Variants in SZT2 observed in about 807,000 individuals in gnomAD.
The protein encoded by SZT2 is KICSTOR complex protein SZT2.
SZT2 carries 216 observed loss-of-function variants against 404.2 expected under a neutral mutation model. That is an observed-to-expected ratio of 0.53 (90% CI 0.48 to 0.60). The LOEUF is 0.60. Ranked by LOEUF, SZT2 falls within the 20% of genes least tolerant of loss-of-function variation. The probability of loss-of-function intolerance (pLI) is 0.00; values close to 1 mark genes in which losing one functional copy is unlikely to be tolerated. For missense variants in SZT2, 3,857 were observed against 4,459.2 expected, an observed-to-expected ratio of 0.86 and a Z score of 3.85; for synonymous variants, 1,693 against 1,749.9, an observed-to-expected ratio of 0.97 and a Z score of 0.81.
rs769971302 is a variant in SZT2 at position 43,415,143 on chromosome 1, A to T, written c.560A>T (p.Tyr187Phe). 2 of 1,598,116 alleles carry T rather than the reference A, an allele frequency of 1.3e-6. No homozygotes were observed. The highest frequency in any genetic ancestry group is 2.2e-5 in the East Asian group (1 of 44,872). The change falls in exon 5 of 72, where the codon TAT (tyrosine) becomes TTT (phenylalanine). Residue 187 changes from tyrosine (Y) to phenylalanine (F), a missense_variant. By Grantham distance (22) the Tyr-to-Phe change is conservative. Around this residue, in one of 7 missense-constraint regions of SZT2, gnomAD observed 536 missense variants for 637.4 expected, o/e 0.84. Transcript: ENST00000634258. ...CGGGAGGTGTTCCTGCAGCAGATAT[A>T]TGAGCAGCTCTGCCTCTTTGAGGAT... is the stretch of plus-strand genomic sequence containing the variant. ...SQREVFLQQI[Y>F]EQLCLFEDKV...
rs781255087 is a variant in SZT2 at position 43,403,711 on chromosome 1, C to T, written c.264C>T (p.Thr88=). ...PFLLVPSTRV[T]FLAWQYRFVI... is the part of the protein sequence containing the mutation. ...TCCTGGTACCTTCCACCCGGGTCACCTTCCTGGCTTGGCAGTATCGGTTTG... is the reference window on the plus strand; with the variant it reads ...TCCTGGTACCTTCCACCCGGGTCACTTTCCTGGCTTGGCAGTATCGGTTTG... The change falls in exon 3 of 72, where the codon ACC becomes ACT. Residue 88 remains threonine, a synonymous_variant. Coordinates refer to ENST00000634258, the MANE Select transcript of SZT2 (RefSeq NM_001365999.1). 1.5e-5 allele frequency: 24 copies of T among 1,614,026 alleles called. 1 individual carries two copies. The South Asian group carries it at 2.6e-4, about 18-fold the overall frequency.
In SZT2 at chr1:43,397,425, CAAA is replaced by C. The variant is rs1242693700; in HGVS notation, c.28-5741_28-5739del. Among the ~76,000 whole-genome samples the C allele has an allele frequency of 1.4e-3, 175 of 124,234 alleles. No individual in the cohort carries two copies. The East Asian group carries it at 0.027, about 19-fold the overall frequency. The allele number at this position is 124,234 out of a possible 152,430, so 81.5% of individuals were successfully genotyped here. A position where few individuals can be genotyped will look rare whatever the true frequency, so the allele number is the denominator to read the frequency against. ...TGGGTGACAGAGCGAGACTCCATTT[CAAA>C]AAAAAAAAAAGAAAAGAAACAATAT... On this transcript the variant is annotated intron_variant, in intron 1 of 71. Transcript: ENST00000634258.
Position 43,453,082 on chromosome 1 carries a change from C to A in SZT2, c.*2602C>A. 8 of 852,812 alleles carry A rather than the reference C, an allele frequency of 9.4e-6. No individual in the cohort carries two copies. The highest frequency in any genetic ancestry group is 1.4e-5 in the Non-Finnish European group (7 of 509,128). 52.8% of individuals were successfully genotyped at this position (852,812 alleles called of 1,614,324 possible). ...CAGGGTTAGGTGCCTACCCTGCTCCCACAGCTTCCTGGAATAGGCCTGTCC... is the reference window on the plus strand; with the variant it reads ...CAGGGTTAGGTGCCTACCCTGCTCCAACAGCTTCCTGGAATAGGCCTGTCC... On this transcript the variant is annotated 3_prime_UTR_variant, in exon 72 of 72. Coordinates refer to ENST00000634258, the MANE Select transcript of SZT2 (RefSeq NM_001365999.1).
Position 43,426,785 on chromosome 1 carries a change from A to T in SZT2, c.3285A>T (p.Thr1095=). ...AAGCAGTCGGCAGCACCCAGGCCAC[A>T]GGAGACTCCGCTTTTACTTCCCTGG... The part of the protein sequence containing the change: ...KEQAVGSTQA[T]GDSAFTSLSV... The change falls in exon 23 of 72, where the codon ACA becomes ACT. Residue 1095 remains threonine (T), a synonymous_variant. Coordinates refer to ENST00000634258, the MANE Select transcript of SZT2 (RefSeq NM_001365999.1). The surrounding 1 kb of genome is among the most constrained non-coding windows in gnomAD (Gnocchi z 4.9). The T allele has an allele frequency of 6.2e-7, 1 of 1,613,802 alleles. No homozygotes were observed. Among genetic ancestry groups the T allele is most frequent in the Non-Finnish European group, 8.5e-7 (1 of 1,179,872 alleles).
At position 43,390,900 on chromosome 1, in the gene SZT2, C is replaced by G. The variant is rs777977831; in HGVS notation, c.27+905C>G. Reference sequence around the variant, plus strand: ...TAGAAATAGTATTCATTACTGCATACATACTGCATGCTCAGTACCATTCTA... The same window carrying G: ...TAGAAATAGTATTCATTACTGCATAGATACTGCATGCTCAGTACCATTCTA... On this transcript the variant is annotated intron_variant, in intron 1 of 71. Coordinates refer to ENST00000634258, the MANE Select transcript of SZT2 (RefSeq NM_001365999.1). 2.8e-4 allele frequency among the ~76,000 whole-genome samples: 42 copies of G among 152,378 alleles called. 1 individual carries two copies. In the Middle Eastern group the frequency reaches 0.01, roughly 37 times the overall value.
In SZT2 at chr1:43,444,562, C is replaced by G. The variant is rs540585984; in HGVS notation, c.8825+766C>G. Among the ~76,000 whole-genome samples, 7 of 152,242 alleles carry G rather than the reference C, an allele frequency of 4.6e-5. 2 individuals carry two copies. Among genetic ancestry groups the G allele is most frequent in the African/African-American group, 1.7e-4 (7 of 41,544 alleles). On this transcript the variant is annotated intron_variant, in intron 62 of 71. Coordinates refer to ENST00000634258, the MANE Select transcript of SZT2 (RefSeq NM_001365999.1). ...GTGCTAGGCCTACTTGCATCACTGT[C>G]CTTGGCCTGTTCTTGGTCATGTTCA...
In SZT2 at chr1:43,440,548, C is replaced by T; in HGVS notation, c.7306C>T (p.Pro2436Ser). The T allele has an allele frequency of 1.2e-6, 2 of 1,607,458 alleles. No homozygotes were observed. The highest frequency in any genetic ancestry group is 2.2e-5 in the South Asian group (2 of 90,302). ...APVPGEPVTP[P>S]SKAGRRSFWD... Reference sequence around the variant, plus strand: ...TGTCCCTGGGGAGCCTGTGACTCCACCCAGCAAAGCGGGCCGGCGTAGCTT... The same window carrying T: ...TGTCCCTGGGGAGCCTGTGACTCCATCCAGCAAAGCGGGCCGGCGTAGCTT... The change falls in exon 52 of 72, where the codon CCC (proline) becomes TCC (serine). Residue 2436 changes from proline to serine, a missense_variant. By Grantham distance (74) the Pro-to-Ser change is moderately conservative (BLOSUM62 -1). Coordinates refer to ENST00000634258, the MANE Select transcript of SZT2 (RefSeq NM_001365999.1).
intron 1 of SZT2, among the ~76,000 whole-genome samples, chr1:43,394,291 C>T (rs894415718): frequency 4.6e-5 from 7 of 150,992 alleles, no homozygotes; most frequent in African/African-American, 7.3e-5. Context: ...TCACTGCAAC[C>T]TCCACCTCTC....
At chr1:43,391,753 A>T (rs1401332555) in intron 1 of SZT2, among the ~76,000 whole-genome samples, 1 of 152,336 alleles carries the variant, frequency 6.6e-6, no homozygotes, top group South Asian at 2.1e-4. Flanking sequence ...AGCAAGCCAC[A>T]TGTGTAATAT....
chr1:43,434,503 C>A lies in SZT2; in HGVS notation c.5904+18C>A, dbSNP rs751081097. ...TCAACCAGGTAAGGGGCAGGACTCT[C>A]CAGACCCGGACACACAGAGCAGATG... On this transcript the variant is annotated intron_variant, in intron 41 of 71. Transcript: ENST00000634258. 2.5e-6 allele frequency: 4 copies of A among 1,574,494 alleles called. No homozygotes were observed. The highest frequency in any genetic ancestry group is 3.5e-6 in the Non-Finnish European group (4 of 1,158,608).
intron 14 of SZT2, 63 bp downstream of exon 14, chr1:43,422,946 C>T: frequency 6.6e-7 from 1 of 1,511,742 alleles, no homozygotes; most frequent in Non-Finnish European, 8.9e-7. Context: ...CTCCCTCTCC[C>T]CAAACCCCAC....
rs755976983 is a variant in SZT2 at position 43,425,684 on chromosome 1, T to C, written c.2814+42T>C. The C allele has an allele frequency of 3.8e-5, 61 of 1,608,258 alleles. No individual in the cohort carries two copies. Among genetic ancestry groups the C allele is most frequent in the Non-Finnish European group, 4.8e-5 (57 of 1,176,494 alleles). On this transcript the variant is annotated intron_variant, in intron 19 of 71. Transcript: ENST00000634258. This position sits in a 1 kb window ranked among gnomAD's most constrained non-coding sequence, Gnocchi z 4.3. ...CAGTACCCGCACCTCTCTCACTGGATTGGGGTGCCATCTCTTTTGGAGTAC... is the reference window on the plus strand; with the variant it reads ...CAGTACCCGCACCTCTCTCACTGGACTGGGGTGCCATCTCTTTTGGAGTAC...
At chr1:43,444,030 CTG>C (rs1378262010) in intron 62 of SZT2, among the ~76,000 whole-genome samples, 3 of 152,238 alleles carry the variant, frequency 2.0e-5, no homozygotes, top group East Asian at 3.9e-4. Flanking sequence ...TCATACAAAA[CTG>C]TGTCCATTTT....
intron 30 of SZT2, 62 bp downstream of exon 30, chr1:43,430,165 T>C (rs1653689076): frequency 1.3e-6 from 2 of 1,594,042 alleles, no homozygotes. Flanking sequence ...CCAGACCCTC[T>C]TGAGTCTTGG....
At position 43,427,640 on chromosome 1, in the gene SZT2, T is replaced by A. The variant is rs1349152423; in HGVS notation, c.3709T>A (p.Cys1237Ser). Residue 1237 changes from cysteine to serine, a missense_variant, in exon 26 of 72, where the codon TGT becomes AGT. Cys to Ser is a moderately radical substitution (Grantham distance 112). Around this residue, in one of 7 missense-constraint regions of SZT2, gnomAD observed 1,725 missense variants for 1,881.0 expected, o/e 0.92. Coordinates refer to ENST00000634258, the MANE Select transcript of SZT2 (RefSeq NM_001365999.1). ...GAGTGCGGATGGGCCCCGGACCCGG[T>A]GTCCTGTCTACATCTACAGCTGTTC... Reference protein sequence around the residue: ...TESADGPRTRCPVYIYSCSLE... With the variant: ...TESADGPRTRSPVYIYSCSLE... The A allele has an allele frequency of 1.9e-6, 3 of 1,614,028 alleles. No homozygotes were observed. The African/African-American group carries it at 4.0e-5, about 22-fold the overall frequency.
intron 4 of SZT2, 150 bp downstream of exon 4, chr1:43,404,700 C>T: frequency 1.3e-6 from 1 of 750,930 alleles, no homozygotes; most frequent in African/African-American, 1.8e-5. Context: ...TCATGAGTCT[C>T]TCTCTCCTTG....
At position 43,404,553 on chromosome 1, in the gene SZT2, A is replaced by G. The variant is rs2153929839; in HGVS notation, c.498+3A>G. On this transcript the variant is annotated splice_donor_region_variant and intron_variant, in intron 4 of 71. Transcript: ENST00000634258. ...TCATTGGACTGCAGTCCCACCAGGT[A>G]TTGCATCATCTCTCCAAGTTTGTAC... 6.2e-7 allele frequency: 1 copy of G among 1,611,894 alleles called. No individual in the cohort carries two copies. Among genetic ancestry groups the G allele is most frequent in the East Asian group, 2.2e-5 (1 of 44,824 alleles).
Position 43,450,398 on chromosome 1 carries a change from C to T in SZT2, c.10217C>T (p.Pro3406Leu). ...PVQPQDSESP[P>L]AQLVSTYHHL... is the part of the protein sequence containing the mutation. The stretch of plus-strand genomic sequence containing the variant: ...CAGCCCCAGGACAGCGAGAGCCCCC[C>T]TGCCCAACTGGTCTCCACCTACCAC... Residue 3406 changes from proline to leucine, a missense_variant, in exon 72 of 72, where the codon CCT (proline) becomes CTT (leucine). Around this residue, in one of 7 missense-constraint regions of SZT2, gnomAD observed 717 missense variants for 868.2 expected, o/e 0.83. Transcript: ENST00000634258. This position sits in a 1 kb window ranked among gnomAD's most constrained non-coding sequence, Gnocchi z 4.3. The T allele has an allele frequency of 6.2e-7, 1 of 1,614,148 alleles. No individual in the cohort carries two copies. Among genetic ancestry groups the T allele is most frequent in the Non-Finnish European group, 8.5e-7 (1 of 1,180,000 alleles).
Position 43,429,816 on chromosome 1 carries a change from C to T in SZT2, c.4280C>T (p.Ala1427Val), listed in dbSNP as rs1489168291. The T allele has an allele frequency of 9.9e-6, 16 of 1,614,068 alleles. No homozygotes were observed. The Admixed American group carries it at 2.2e-4, about 22-fold the overall frequency. The change falls in exon 29 of 72, where the codon GCC (alanine) becomes GTC (valine). Residue 1427 changes from alanine to valine, a missense_variant. Ala to Val is a moderately conservative substitution (Grantham distance 64). Transcript: ENST00000634258. Reference protein sequence around the residue: ...LTDVCQLRGEAHGALHSVIQE... With the variant: ...LTDVCQLRGEVHGALHSVIQE... Reference sequence around the variant, plus strand: ...GATGTCTGCCAGCTCAGAGGAGAGGCCCATGGTGCCCTTCATAGCGTCATC... The same window carrying T: ...GATGTCTGCCAGCTCAGAGGAGAGGTCCATGGTGCCCTTCATAGCGTCATC...
Sources: allele counts gnomAD v4.1 joint callset (sites outside exome capture counted in the v4.1 genomes callset), GRCh38; gene constraint gnomAD v4.1.1; regional missense constraint gnomAD v4.1.1; non-coding constraint Gnocchi (gnomAD v3.1); transcripts MANE v1.5; gene names NCBI Gene and HGNC (gene_info 2026-07-23, HGNC 2026-07-21).